The following TENM3 variants were observed in gnomAD, a reference collection of about 807,000 sequenced individuals.
The protein encoded by TENM3 is teneurin-3.
TENM3 carries 63 observed loss-of-function variants against 255.1 expected under a neutral mutation model. That is an observed-to-expected ratio of 0.25 (90% CI 0.20 to 0.30). The LOEUF (loss-of-function observed/expected upper bound fraction) is 0.30. Among genes scored for constraint, TENM3 ranks in the 10% least tolerant of loss-of-function variants. The probability of loss-of-function intolerance (pLI) is 1.00; values close to 1 mark genes in which losing one functional copy is unlikely to be tolerated. For synonymous variants in TENM3, 1,306 were observed against 1,322.3 expected (o/e 0.99, Z 0.27); for missense variants, 2,929 against 3,461.1 (o/e 0.85, Z 3.86).
At chr4:181,540,902 C>T in the TENM3 span, among the ~76,000 whole-genome samples, 2,502 of 149,456 alleles carry the variant, frequency 0.017, 36 homozygotes, top group Non-Finnish European at 0.024. Flanking sequence ...AAATATTTCC[C>T]TATTGGCTCA....
chr4:182,386,619 C>T (rs1013036397), intron 3 of TENM3, among the ~76,000 whole-genome samples: 13 of 149,980 alleles, frequency 8.7e-5, no homozygotes, highest in African/African-American at 2.7e-4. Flanking sequence ...GCTGTAGTTC[C>T]GGGTGGGCGT....
At chr4:182,097,740 G>A in the TENM3 span, among the ~76,000 whole-genome samples, 1 of 152,156 alleles carries the variant, frequency 6.6e-6, no homozygotes, top group African/African-American at 2.4e-5. Context: ...CTTACTGAGT[G>A]TTTACTTATT....
At chr4:182,158,376 T>TGTAA (rs769337969) in intron 1 of TENM3, among the ~76,000 whole-genome samples, 180 of 152,256 alleles carry the variant, frequency 1.2e-3, no homozygotes, top group Middle Eastern at 3.4e-3. Flanking sequence ...CAACCTGTGA[T>TGTAA]GTAGCTGCGG....
intron 3 of TENM3, among the ~76,000 whole-genome samples, chr4:182,360,667 CT>C (rs1170172692): frequency 2.0e-5 from 3 of 152,032 alleles, no homozygotes; most frequent in African/African-American, 7.2e-5. Context: ...GGTCTTGACT[CT>C]TTATCCAATT....
chr4:181,990,287 G>A, the TENM3 span, among the ~76,000 whole-genome samples: 1 of 152,112 alleles, frequency 6.6e-6, no homozygotes, highest in African/African-American at 2.4e-5. Context: ...AATGTTGCTG[G>A]AAATGTCTCT....
chr4:181,994,936 G>A, the TENM3 span, among the ~76,000 whole-genome samples: 51 of 152,238 alleles, frequency 3.4e-4, 2 homozygotes, highest in East Asian at 2.3e-3. Flanking sequence ...AAAGCAGAGC[G>A]ATTACGATTC....
the TENM3 span, among the ~76,000 whole-genome samples, chr4:182,069,686 AACACACACACACAC>A: frequency 6.7e-6 from 1 of 149,448 alleles, no homozygotes; most frequent in Non-Finnish European, 1.5e-5. Context: ...TAGATGCATA[AACACACACACACAC>A]ACACACACAC....
intron 1 of TENM3, among the ~76,000 whole-genome samples, chr4:182,306,194 C>CT (rs891305700): frequency 1.3e-5 from 2 of 151,190 alleles, no homozygotes; most frequent in South Asian, 2.1e-4. Flanking sequence ...TTCTTTCTTT[C>CT]TTTTTTTTTC....
chr4:181,550,375 T>C, the TENM3 span, among the ~76,000 whole-genome samples: 397 of 152,340 alleles, frequency 2.6e-3, 2 homozygotes, highest in Middle Eastern at 6.8e-3. Flanking sequence ...AAGGTGGCAT[T>C]CAAATGGAAA....
chr4:181,455,791 G>A, the TENM3 span, among the ~76,000 whole-genome samples: 5 of 151,960 alleles, frequency 3.3e-5, no homozygotes, highest in African/African-American at 1.2e-4. Context: ...TCTGAAAGTA[G>A]TGGATTCAAC....
At chr4:181,454,833 A>G in the TENM3 span, among the ~76,000 whole-genome samples, 1 of 151,902 alleles carries the variant, frequency 6.6e-6, no homozygotes, top group African/African-American at 2.4e-5. Flanking sequence ...CTAGGTGTGT[A>G]GTCAGTTCTA....
chr4:182,675,666 C>T (rs183779913), intron 7 of TENM3, among the ~76,000 whole-genome samples: 14 of 152,158 alleles, frequency 9.2e-5, no homozygotes, highest in Admixed American at 2.6e-4. Context: ...CCACTGAAAC[C>T]GCATATGTGA....
chr4:181,880,701 A>G, the TENM3 span, among the ~76,000 whole-genome samples: 1 of 152,128 alleles, frequency 6.6e-6, no homozygotes, highest in Non-Finnish European at 1.5e-5. Flanking sequence ...GTAAGCTCTA[A>G]CTCCTACCCT....
At chr4:181,779,395 G>A in the TENM3 span, among the ~76,000 whole-genome samples, 1 of 151,724 alleles carries the variant, frequency 6.6e-6, no homozygotes, top group Non-Finnish European at 1.5e-5. Context: ...ATAAGGAGGG[G>A]AATTCTGGGA....
intron 5 of TENM3, among the ~76,000 whole-genome samples, chr4:182,645,242 C>G (rs1752639324): frequency 6.6e-6 from 1 of 151,772 alleles, no homozygotes; most frequent in Admixed American, 6.6e-5. Flanking sequence ...TTTGAAGTAC[C>G]ACAGGATTTC....
intron 14 of TENM3, 112 bp from the exon 15 acceptor site, chr4:182,730,088 T>C (rs898827279): frequency 3.6e-5 from 47 of 1,309,882 alleles, no homozygotes; most frequent in Non-Finnish European, 4.6e-5. Context: ...TGAATAACGA[T>C]GGATTGCATA....
chr4:182,701,210 C>CTTTTTTT lies in TENM3; in HGVS notation c.2222-12855_2222-12849dup, dbSNP rs35538818. ...TTTTCACATACAGTCCAACTCTTGA[C>CTTTTTTT]TTTTTTTTTTTTTTTTTTTTTTTTT... On this transcript the variant is annotated intron_variant, in intron 12 of 27. Coordinates refer to ENST00000511685, the MANE Select transcript of TENM3 (RefSeq NM_001080477.4). Among the ~76,000 whole-genome samples, 88 of 38,668 alleles carry CTTTTTTT rather than the reference C, an allele frequency of 2.3e-3. 35 individuals carry two copies. Among genetic ancestry groups the CTTTTTTT allele is most frequent in the South Asian group, 6.4e-3 (4 of 624 alleles). 25.4% of individuals were successfully genotyped at this position (38,668 alleles called of 152,430 possible).
At chr4:181,823,301 C>T in the TENM3 span, among the ~76,000 whole-genome samples, 1 of 152,082 alleles carries the variant, frequency 6.6e-6, no homozygotes, top group African/African-American at 2.4e-5. Context: ...CCTGCGTTGC[C>T]TTCTAACACT....
the TENM3 span, among the ~76,000 whole-genome samples, chr4:181,470,000 A>G: frequency 6.6e-6 from 1 of 152,012 alleles, no homozygotes; most frequent in Admixed American, 6.6e-5. Flanking sequence ...TCAGATCATA[A>G]CATATGCGGT....
Sources: gnomAD v4.1 joint callset for allele counts (sites outside exome capture counted in the v4.1 genomes callset) on GRCh38, gnomAD v4.1.1 for gene constraint, MANE v1.5 for transcripts, NCBI Gene and HGNC (gene_info 2026-07-23, HGNC 2026-07-21) for gene names.